MTUS2: variants seen among roughly 807,000 people sequenced by gnomAD.
The protein encoded by MTUS2 is microtubule associated scaffold protein 2, also known as microtubule-associated tumor suppressor candidate 2.
Under a neutral mutation model 114.1 loss-of-function variants are expected in MTUS2, and 40 were observed. The observed-to-expected ratio is 0.35, with a 90% CI of 0.27 to 0.46. The LOEUF (loss-of-function observed/expected upper bound fraction) is 0.46. MTUS2 is among the 20% of genes least tolerant of loss of function. The pLI is 1.00. For missense variants in MTUS2, 1,679 were observed against 1,705.4 expected (o/e 0.98, Z 0.27); for synonymous variants, 688 against 672.0 (o/e 1.02, Z -0.37).
intron 2 of MTUS2, among the ~76,000 whole-genome samples, chr13:28,976,203 C>CAAAAAAAAAAAAAAA (rs71090215): frequency 6.7e-5 from 6 of 90,154 alleles, no homozygotes; most frequent in African/African-American, 2.2e-4. Context: ...GACCTTGTCT[C>CAAAAAAAAAAAAAAA]AAAAAAAAAA....
intron 5 of MTUS2, among the ~76,000 whole-genome samples, chr13:29,228,559 G>C (rs975147715): frequency 6.6e-6 from 1 of 152,080 alleles, no homozygotes; most frequent in African/African-American, 2.4e-5. Context: ...GGCTCAAGCA[G>C]TCCTCCTGCC....
chr13:29,044,561 TA>T (rs1410754029), intron 4 of MTUS2, among the ~76,000 whole-genome samples: 1 of 152,196 alleles, frequency 6.6e-6, no homozygotes, highest in African/African-American at 2.4e-5. Flanking sequence ...CAATTACACA[TA>T]TATTAGGCCT....
intron 5 of MTUS2, among the ~76,000 whole-genome samples, chr13:29,144,016 T>G (rs1205692731): frequency 6.6e-6 from 1 of 152,224 alleles, no homozygotes; most frequent in Non-Finnish European, 1.5e-5. Context: ...CTCTATTCAG[T>G]ACACACTGAC....
rs537691166 is a variant in MTUS2 at position 29,062,531 on chromosome 13, A to G, written c.2446+28406A>G. ...CTGTGCCCTGAAATTTAGCATTTAC[A>G]TATTTCCAACCTCAAGTGATTTTCT... On this transcript the variant is annotated intron_variant, in intron 4 of 15. Coordinates refer to ENST00000612955, the MANE Select transcript of MTUS2 (RefSeq NM_001033602.4). Among the ~76,000 whole-genome samples, 5 of 152,312 alleles carry G rather than the reference A, an allele frequency of 3.3e-5. No homozygotes were observed. In the East Asian group the frequency reaches 9.6e-4, roughly 29 times the overall value.
intron 8 of MTUS2, among the ~76,000 whole-genome samples, chr13:29,386,900 A>G (rs1356077153): frequency 6.6e-6 from 1 of 152,146 alleles, no homozygotes; most frequent in Admixed American, 6.5e-5. Context: ...CCACTCACGG[A>G]GGGGAGGGGT....
intron 2 of MTUS2, among the ~76,000 whole-genome samples, chr13:28,964,208 C>T (rs1037946164): frequency 2.6e-5 from 4 of 152,200 alleles, no homozygotes; most frequent in Non-Finnish European, 4.4e-5. Flanking sequence ...ACCTGGTCAT[C>T]TGCAGTCTAG....
chr13:29,472,167 G>A (rs1487493683), intron 9 of MTUS2, among the ~76,000 whole-genome samples: 1 of 152,132 alleles, frequency 6.6e-6, no homozygotes, highest in Non-Finnish European at 1.5e-5. Flanking sequence ...TGGGATTACA[G>A]GCACGTGCCA....
intron 9 of MTUS2, among the ~76,000 whole-genome samples, chr13:29,445,908 CA>C (rs904974438): frequency 1.4e-3 from 194 of 137,784 alleles, no homozygotes; most frequent in Admixed American, 1.6e-3. Flanking sequence ...ACTCTGTCTC[CA>C]AAAAAAAAAA....
At chr13:29,239,827 T>C (rs1284361216) in intron 5 of MTUS2, 1 of 152,224 alleles carries the variant, frequency 6.6e-6, no homozygotes, top group Non-Finnish European at 1.5e-5. Context: ...AGACAGAATA[T>C]GCACTTTCTC....
chr13:29,399,177 G>A (rs1032972625), intron 8 of MTUS2, among the ~76,000 whole-genome samples: 6 of 152,182 alleles, frequency 3.9e-5, no homozygotes, highest in East Asian at 3.8e-4. Context: ...ACTTCCTGAC[G>A]TTGTCACAGC....
chr13:29,345,706 C>T (rs1412468633), intron 7 of MTUS2, among the ~76,000 whole-genome samples: 1 of 151,966 alleles, frequency 6.6e-6, no homozygotes, highest in Non-Finnish European at 1.5e-5. Context: ...ATAGTGTGAT[C>T]TCTTGGGGAT....
At chr13:29,274,522 A>C (rs182524215) in intron 5 of MTUS2, among the ~76,000 whole-genome samples, 1 of 152,226 alleles carries the variant, frequency 6.6e-6, no homozygotes, top group Non-Finnish European at 1.5e-5. Context: ...ATCCCTATCA[A>C]TACTTTTTAT....
intron 8 of MTUS2, among the ~76,000 whole-genome samples, chr13:29,425,346 C>T (rs1876432957): frequency 6.6e-6 from 1 of 152,080 alleles, no homozygotes; most frequent in Admixed American, 6.6e-5. Flanking sequence ...GCGGAGTTTG[C>T]ATTAAGCTGA....
chr13:28,914,190 G>C (rs1338883492), intron 2 of MTUS2, among the ~76,000 whole-genome samples: 1 of 151,928 alleles, frequency 6.6e-6, no homozygotes, highest in Non-Finnish European at 1.5e-5. Flanking sequence ...GTGATGTTAG[G>C]AGTTTAATTT....
At chr13:29,001,128 T>G (rs549266668) in intron 2 of MTUS2, among the ~76,000 whole-genome samples, 1 of 152,334 alleles carries the variant, frequency 6.6e-6, no homozygotes, top group African/African-American at 2.4e-5. Context: ...GGAAAACTGC[T>G]CTTCTTGCCC....
chr13:28,854,206 A>G (rs1043426343), intron 2 of MTUS2, among the ~76,000 whole-genome samples: 2 of 152,234 alleles, frequency 1.3e-5, no homozygotes, highest in Non-Finnish European at 2.9e-5. Context: ...GGTCATTTGT[A>G]TGCACATTAC....
intron 8 of MTUS2, among the ~76,000 whole-genome samples, chr13:29,435,079 G>A (rs1313940073): frequency 6.6e-6 from 1 of 152,226 alleles, no homozygotes; most frequent in Non-Finnish European, 1.5e-5. Flanking sequence ...CAGAATGAAT[G>A]GAGAACTCAG....
intron 2 of MTUS2, among the ~76,000 whole-genome samples, chr13:28,850,327 C>T (rs866317790): frequency 1.3e-5 from 2 of 152,230 alleles, no homozygotes; most frequent in East Asian, 3.8e-4. Context: ...CCTGTTTTCT[C>T]AGGGTTCAGA....
At chr13:28,950,027 C>G (rs1054887822) in intron 2 of MTUS2, among the ~76,000 whole-genome samples, 1 of 152,348 alleles carries the variant, frequency 6.6e-6, no homozygotes, top group Non-Finnish European at 1.5e-5. Flanking sequence ...TGAAGAACTG[C>G]TGTACTATTT....
Sources: gnomAD v4.1 joint callset for allele counts (sites outside exome capture counted in the v4.1 genomes callset) on GRCh38, gnomAD v4.1.1 for gene constraint, MANE v1.5 for transcripts, NCBI Gene and HGNC (gene_info 2026-07-23, HGNC 2026-07-21) for gene names.